Variants in TRHDE observed in about 807,000 individuals in gnomAD.
TRHDE encodes the protein thyrotropin releasing hormone degrading enzyme.
Under a neutral mutation model 125.7 loss-of-function variants are expected in TRHDE, and 72 were observed. The ratio of observed to expected loss-of-function variants is 0.57; its 90% CI spans 0.47 to 0.70. The LOEUF (loss-of-function observed/expected upper bound fraction) is 0.70, where lower values mean the gene tolerates loss of function less well. Ranked by LOEUF, TRHDE falls within the 30% of genes least tolerant of loss-of-function variation. The pLI is 0.00. For synonymous variants in TRHDE, 509 were observed against 509.1 expected (o/e 1.00, Z 0.00); for missense variants, 1,110 against 1,327.1 (o/e 0.84, Z 2.54).
chr12:72,574,381 T>C (rs1365753280), intron 10 of TRHDE, among the ~76,000 whole-genome samples: 1 of 151,994 alleles, frequency 6.6e-6, no homozygotes, highest in Admixed American at 6.6e-5. Context: ...AGACTATGTA[T>C]GTCTGTGCGT....
Position 72,669,344 on chromosome 12 carries a change from A to G in TRHDE, c.*6149A>G, listed in dbSNP as rs1875194402. ...ATTGCTTAATTTACTTAAACTTAAC[A>G]TTTTCAATGGGTTTGCTGTGTGAAG... On this transcript the variant is annotated 3_prime_UTR_variant, in exon 19 of 19. Transcript: ENST00000261180. The G allele has an allele frequency of 6.6e-6, 1 of 151,784 alleles. No homozygotes were observed. Among genetic ancestry groups the G allele is most frequent in the Admixed American group, 6.6e-5 (1 of 15,176 alleles). The allele number at this position is 151,784 out of a possible 1,614,324, so 9.4% of individuals were successfully genotyped here. A position where few individuals can be genotyped will look rare whatever the true frequency, so the allele number is the denominator to read the frequency against.
At chr12:72,280,128 C>T in intron 1 of TRHDE, among the ~76,000 whole-genome samples, 1 of 152,130 alleles carries the variant, frequency 6.6e-6, no homozygotes, top group Middle Eastern at 3.2e-3. Flanking sequence ...TGGAACCAGA[C>T]TGCTTGGCCT....
chr12:72,515,534 A>C (rs1190036678), intron 6 of TRHDE, among the ~76,000 whole-genome samples: 1 of 152,024 alleles, frequency 6.6e-6, no homozygotes, highest in East Asian at 1.9e-4. Flanking sequence ...TAGATTCTAG[A>C]TATTAGCCCT....
At chr12:72,355,960 C>T (rs528867467) in intron 2 of TRHDE, among the ~76,000 whole-genome samples, 1 of 151,244 alleles carries the variant, frequency 6.6e-6, no homozygotes, top group South Asian at 2.1e-4. Flanking sequence ...ATGGGATAAC[C>T]ATTGTAGAAA....
At chr12:72,547,483 A>C (rs887817882) in intron 7 of TRHDE, among the ~76,000 whole-genome samples, 3 of 151,818 alleles carry the variant, frequency 2.0e-5, no homozygotes, top group African/African-American at 7.2e-5. Context: ...TACTCATAAA[A>C]TAAGGATCTG....
intron 3 of TRHDE, among the ~76,000 whole-genome samples, chr12:72,451,711 A>G (rs1452358094): frequency 6.6e-6 from 1 of 152,198 alleles, no homozygotes; most frequent in Non-Finnish European, 1.5e-5. Context: ...CATTGAATAT[A>G]TAGATTGCTT....
chr12:72,316,764 A>G (rs1050890898), intron 2 of TRHDE, among the ~76,000 whole-genome samples: 4 of 152,192 alleles, frequency 2.6e-5, no homozygotes, highest in African/African-American at 9.7e-5. Context: ...TTTAAAAAAT[A>G]AGAGTGCATT....
intron 2 of TRHDE, among the ~76,000 whole-genome samples, chr12:72,368,007 G>T (rs1319875528): frequency 6.6e-6 from 1 of 152,130 alleles, no homozygotes. Context: ...GTGCACTACT[G>T]TTGTAAATGT....
chr12:72,198,116 T>C (rs1219234515), intron 2 of TRHDE, among the ~76,000 whole-genome samples: 1 of 152,132 alleles, frequency 6.6e-6, no homozygotes, highest in East Asian at 1.9e-4. Flanking sequence ...TTTTCAAGAT[T>C]CATTCATCTT....
At chr12:72,595,197 G>T (rs1487953702) in intron 12 of TRHDE, among the ~76,000 whole-genome samples, 1 of 150,978 alleles carries the variant, frequency 6.6e-6, no homozygotes, top group Admixed American at 6.6e-5. Flanking sequence ...ACACCAGCAT[G>T]GCACATGTAT....
At chr12:72,305,633 G>T (rs1565691783) in intron 2 of TRHDE, among the ~76,000 whole-genome samples, 1 of 152,204 alleles carries the variant, frequency 6.6e-6, no homozygotes, top group East Asian at 1.9e-4. Flanking sequence ...ATATTTCTGT[G>T]TCTGGTTTAA....
intron 7 of TRHDE, among the ~76,000 whole-genome samples, chr12:72,544,972 AG>A (rs1869344398): frequency 6.6e-6 from 1 of 151,430 alleles, no homozygotes; most frequent in African/African-American, 2.4e-5. Context: ...AGGCTTTCTG[AG>A]AAAAATTTTG....
At chr12:72,494,981 TA>T (rs1877841703) in intron 5 of TRHDE, among the ~76,000 whole-genome samples, 1 of 150,778 alleles carries the variant, frequency 6.6e-6, no homozygotes, top group African/African-American at 2.4e-5. Flanking sequence ...GCAAAATGTC[TA>T]AAACTGGATT....
chr12:72,115,011 T>C (rs1875409747), intron 2 of TRHDE, among the ~76,000 whole-genome samples: 2 of 152,116 alleles, frequency 1.3e-5, no homozygotes, highest in East Asian at 3.8e-4. Context: ...ATGAGATATT[T>C]TGATACAGGC....
chr12:72,467,871 A>G (rs567578835), intron 3 of TRHDE, among the ~76,000 whole-genome samples: 54 of 152,334 alleles, frequency 3.5e-4, no homozygotes, highest in South Asian at 1.9e-3. Context: ...ATAATTTTTA[A>G]AGTCAGGAAT....
intron 2 of TRHDE, among the ~76,000 whole-genome samples, chr12:72,197,015 T>C (rs1877459187): frequency 6.6e-6 from 1 of 152,152 alleles, no homozygotes; most frequent in Non-Finnish European, 1.5e-5. Flanking sequence ...ATCAGAGTTT[T>C]CCAGTGACCT....
At chr12:72,286,157 T>A (rs979267568) in intron 1 of TRHDE, among the ~76,000 whole-genome samples, 5 of 152,244 alleles carry the variant, frequency 3.3e-5, no homozygotes, top group African/African-American at 1.2e-4. Flanking sequence ...GGAGCCAGAA[T>A]TCAGACCAGA....
chr12:72,238,281 TATATATATATATA>T (rs1565669804), intron 2 of TRHDE, among the ~76,000 whole-genome samples: 503 of 14,794 alleles, frequency 0.034, 27 homozygotes, highest in African/African-American at 0.15. Context: ...CCTTAATATA[TATATATATATATA>T]TATATATATA....
At chr12:72,449,095 A>G (rs1875444829) in intron 3 of TRHDE, among the ~76,000 whole-genome samples, 1 of 151,948 alleles carries the variant, frequency 6.6e-6, no homozygotes, top group Non-Finnish European at 1.5e-5. Flanking sequence ...CTTTTCCTCT[A>G]AGGTTTAAGG....
Sources: gnomAD v4.1 joint callset for allele counts (sites outside exome capture counted in the v4.1 genomes callset) on GRCh38, gnomAD v4.1.1 for gene constraint, MANE v1.5 for transcripts, NCBI Gene and HGNC (gene_info 2026-07-23, HGNC 2026-07-21) for gene names.